Variants in NDST3 observed in about 807,000 individuals in gnomAD.
The protein encoded by NDST3 is bifunctional heparan sulfate N-deacetylase/N-sulfotransferase 3.
In NDST3, 58 loss-of-function variants were observed where a neutral mutation model predicts 96.1. That is an observed-to-expected ratio of 0.60 (90% CI 0.49 to 0.75). NDST3 has a LOEUF of 0.75. Among genes scored for constraint, NDST3 ranks in the 30% least tolerant of loss-of-function variants. The probability of loss-of-function intolerance (pLI) is 0.00; values close to 1 mark genes in which losing one functional copy is unlikely to be tolerated. For missense variants in NDST3, 788 were observed against 1,034.2 expected (o/e 0.76, Z 3.27); for synonymous variants, 333 against 359.7 (o/e 0.93, Z 0.84).
intron 2 of NDST3, among the ~76,000 whole-genome samples, chr4:118,081,525 A>G (rs1485957363): frequency 3.3e-5 from 5 of 152,168 alleles, no homozygotes; most frequent in East Asian, 1.9e-4. Context: ...AATATGTGTG[A>G]CAAGATCCTT....
intron 11 of NDST3, among the ~76,000 whole-genome samples, chr4:118,241,411 G>A (rs991150741): frequency 6.6e-6 from 1 of 152,180 alleles, no homozygotes; most frequent in Admixed American, 6.5e-5. Context: ...CAGAGAAGAG[G>A]TATGGATAGA....
chr4:118,158,713 C>G (rs1407334187), intron 6 of NDST3, among the ~76,000 whole-genome samples: 1 of 152,048 alleles, frequency 6.6e-6, no homozygotes, highest in Non-Finnish European at 1.5e-5. Flanking sequence ...TCTTACTGTA[C>G]CCAAGTGATC....
In NDST3 at chr4:118,205,482, T is replaced by C. The variant is rs1396257560; in HGVS notation, c.1540-19009T>C. On this transcript the variant is annotated intron_variant, in intron 6 of 13. Transcript: ENST00000296499. ...GCTTATCTCATTGTGCTCTAATACA[T>C]TGACACTCACAGAATATAGGACAGT... 2.8e-5 allele frequency among the ~76,000 whole-genome samples: 4 copies of C among 144,836 alleles called. 1 individual carries two copies. The highest frequency in any genetic ancestry group is 7.6e-5 in the African/African-American group (3 of 39,234).
At chr4:118,234,685 A>C (rs1740522427) in intron 9 of NDST3, among the ~76,000 whole-genome samples, 1 of 151,888 alleles carries the variant, frequency 6.6e-6, no homozygotes, top group Non-Finnish European at 1.5e-5. Flanking sequence ...TTTTACCATA[A>C]ATTTTACAAA....
At chr4:118,239,060 C>A (rs183892371) in intron 10 of NDST3, among the ~76,000 whole-genome samples, 2 of 152,254 alleles carry the variant, frequency 1.3e-5, no homozygotes, top group East Asian at 3.9e-4. Context: ...GTACAAAAAC[C>A]TCTAATCTGA....
chr4:118,191,496 A>C (rs1242648200), intron 6 of NDST3, among the ~76,000 whole-genome samples: 1 of 152,152 alleles, frequency 6.6e-6, no homozygotes, highest in East Asian at 1.9e-4. Flanking sequence ...GAGTCCATTA[A>C]GGAATAGAGC....
Position 118,138,070 on chromosome 4 carries a change from C to T in NDST3, c.1241C>T (p.Thr414Met), listed in dbSNP as rs1376526462. 19 of 1,606,832 alleles carry T rather than the reference C, an allele frequency of 1.2e-5. No homozygotes were observed. The highest frequency in any genetic ancestry group is 2.2e-5 in the East Asian group (1 of 44,708). Residue 414 changes from threonine (T) to methionine (M), a missense_variant, in exon 5 of 14, where the codon ACG becomes ATG. Transcript: ENST00000296499. ...KKFALEHGIPTDMGYAVAPHH... is the reference protein window; with the variant it reads ...KKFALEHGIPMDMGYAVAPHH... ...TGGTCTTAGGAGCACGGCATTCCAACGGACATGGGCTACGCTGTGGCCCCT... is the reference window on the plus strand; with the variant it reads ...TGGTCTTAGGAGCACGGCATTCCAATGGACATGGGCTACGCTGTGGCCCCT...
chr4:118,104,934 C>T, intron 2 of NDST3, 84 bp from the exon 3 acceptor site: 1 of 1,071,188 alleles, frequency 9.3e-7, no homozygotes, highest in Non-Finnish European at 1.4e-6. Context: ...TGGTTTTATC[C>T]TCTGAATGCA....
rs1261906767 is a variant in NDST3 at position 118,172,611 on chromosome 4, A to G, written c.1539+28927A>G. 2.6e-5 allele frequency among the ~76,000 whole-genome samples: 4 copies of G among 152,272 alleles called. No homozygotes were observed. In the East Asian group the frequency reaches 7.7e-4, roughly 29 times the overall value. ...ATAACAAAAAGATATGGATCTTTGAATGTTGAGGATTGGGCATATTTTTCT... is the reference window on the plus strand; with the variant it reads ...ATAACAAAAAGATATGGATCTTTGAGTGTTGAGGATTGGGCATATTTTTCT... On this transcript the variant is annotated intron_variant, in intron 6 of 13. Coordinates refer to ENST00000296499, the MANE Select transcript of NDST3 (RefSeq NM_004784.3).
chr4:118,040,520 AAGC>A (rs1724383208), intron 1 of NDST3, among the ~76,000 whole-genome samples: 1 of 152,042 alleles, frequency 6.6e-6, no homozygotes, highest in African/African-American at 2.4e-5. Flanking sequence ...AACTCTACTT[AAGC>A]TAAAATGCTC....
At chr4:118,195,555 T>G (rs1434948447) in intron 6 of NDST3, among the ~76,000 whole-genome samples, 1 of 152,232 alleles carries the variant, frequency 6.6e-6, no homozygotes, top group Non-Finnish European at 1.5e-5. Flanking sequence ...GTCTGGGGTA[T>G]GACTTTATTA....
intron 2 of NDST3, among the ~76,000 whole-genome samples, chr4:118,067,965 G>T (rs1156243114): frequency 6.6e-6 from 1 of 151,808 alleles, no homozygotes; most frequent in Non-Finnish European, 1.5e-5. Flanking sequence ...AAAAGAAATT[G>T]ACACAATTTC....
In NDST3 at chr4:118,053,835, A is replaced by T. The variant is rs1036432844; in HGVS notation, c.-76A>T. ...ATAAACTCTTGACAGAGATTGGAAA[A>T]GTAGCTGGAACACCATCTTTTCTTT... On this transcript the variant is annotated 5_prime_UTR_variant, in exon 2 of 14. It adds an upstream start codon to the 5' untranslated region. Coordinates refer to ENST00000296499, the MANE Select transcript of NDST3 (RefSeq NM_004784.3). 2 of 1,481,586 alleles carry T rather than the reference A, an allele frequency of 1.3e-6. No individual in the cohort carries two copies. The highest frequency in any genetic ancestry group is 2.8e-5 in the African/African-American group (2 of 70,890). 91.8% of individuals were successfully genotyped at this position (1,481,586 alleles called of 1,614,324 possible).
intron 6 of NDST3, chr4:118,193,329 G>C: frequency 2.4e-6 from 1 of 416,068 alleles, no homozygotes; most frequent in Non-Finnish European, 4.4e-6. Flanking sequence ...AAATTCTTCA[G>C]TTTTTACAAA....
chr4:118,080,540 GA>G (rs947675199), intron 2 of NDST3, among the ~76,000 whole-genome samples: 1 of 152,016 alleles, frequency 6.6e-6, no homozygotes, highest in Non-Finnish European at 1.5e-5. Context: ...TATTTTTAGG[GA>G]ACATCCTATT....
At chr4:118,098,394 G>A (rs1261928307) in intron 2 of NDST3, among the ~76,000 whole-genome samples, 2 of 151,894 alleles carry the variant, frequency 1.3e-5, no homozygotes, top group Non-Finnish European at 2.9e-5. Context: ...CTTTTAAAAA[G>A]TACATTAGTA....
chr4:118,105,138 G>A, intron 3 of NDST3, 33 bp downstream of exon 3: 2 of 1,513,924 alleles, frequency 1.3e-6, no homozygotes, highest in Middle Eastern at 3.4e-4. Context: ...TCTCATTAAG[G>A]CTTCTCTGAT....
At position 118,171,686 on chromosome 4, in the gene NDST3, G is replaced by A. The variant is rs112624369; in HGVS notation, c.1539+28002G>A. Among the ~76,000 whole-genome samples, 71 of 152,258 alleles carry A rather than the reference G, an allele frequency of 4.7e-4. 1 individual carries two copies. The highest frequency in any genetic ancestry group is 1.7e-3 in the African/African-American group (71 of 41,544). ...ATTTGCCCCTGATGTTTTGGTCTTG[G>A]ATGTCAGCGGAATTGTCCGTCCTTC... On this transcript the variant is annotated intron_variant, in intron 6 of 13. Transcript: ENST00000296499.
At chr4:118,058,430 CA>C (rs35067389) in intron 2 of NDST3, among the ~76,000 whole-genome samples, 61,589 of 118,034 alleles carry the variant, frequency 0.52, 16,521 homozygotes, top group East Asian at 0.7. Context: ...CACAAAAAGA[CA>C]AAAAAAAAAA....
Sources: gnomAD v4.1 joint callset for allele counts (sites outside exome capture counted in the v4.1 genomes callset) on GRCh38, gnomAD v4.1.1 for gene constraint, MANE v1.5 for transcripts, NCBI Gene and HGNC (gene_info 2026-07-23, HGNC 2026-07-21) for gene names.